CX3CR1: variants seen among roughly 807,000 people sequenced by gnomAD.
CX3CR1 encodes CX3C chemokine receptor 1.
For synonymous variants in CX3CR1, 168 were observed against 178.5 expected (o/e 0.94, Z 0.47); for missense variants, 363 against 432.4 (o/e 0.84, Z 1.42).
At position 39,266,534 on chromosome 3, in the gene CX3CR1, A is replaced by G; in HGVS notation, c.-9-16T>C. ...TGGTGAAGGCCTGGATCAGAAAGAA[A>G]AACAAGTAACTGTGTTAGTTATCAG... On this transcript the variant is annotated splice_polypyrimidine_tract_variant and intron_variant, in intron 1 of 1. Coordinates refer to ENST00000399220, the MANE Select transcript of CX3CR1 (RefSeq NM_001337.4). 1 of 1,612,490 alleles carries G rather than the reference A, an allele frequency of 6.2e-7. No homozygotes were observed. Among genetic ancestry groups the G allele is most frequent in the Non-Finnish European group, 8.5e-7 (1 of 1,178,452 alleles).
chr3:39,279,938 A>G lies in CX3CR1; in HGVS notation c.-10+16T>C. The stretch of plus-strand genomic sequence containing the variant: ...CCACCCCACCCACAGGTACCCAACT[A>G]GTCCTGTGCACCTACCTGGCGTGGA... On this transcript the variant is annotated intron_variant, in intron 1 of 1. Coordinates refer to ENST00000399220, the MANE Select transcript of CX3CR1 (RefSeq NM_001337.4). 5.1e-6 allele frequency: 5 copies of G among 979,100 alleles called. No individual in the cohort carries two copies. Among genetic ancestry groups the G allele is most frequent in the Non-Finnish European group, 3.6e-6 (3 of 824,088 alleles). The allele number at this position is 979,100 out of a possible 1,614,324, so 60.7% of individuals were successfully genotyped here. A position where few individuals can be genotyped will look rare whatever the true frequency, so the allele number is the denominator to read the frequency against.
upstream of CX3CR1, among the ~76,000 whole-genome samples, chr3:39,281,435 G>A (rs570370053): frequency 1.3e-5 from 2 of 151,830 alleles, no homozygotes; most frequent in South Asian, 2.1e-4. Flanking sequence ...CTTGGATCTG[G>A]CCAAGACTCT....
intron 1 of CX3CR1, among the ~76,000 whole-genome samples, chr3:39,271,002 G>A (rs2040768820): frequency 6.6e-6 from 1 of 152,212 alleles, no homozygotes; most frequent in Admixed American, 6.5e-5. Flanking sequence ...GATGCAGTGT[G>A]TGTGCAATAG....
intron 1 of CX3CR1, among the ~76,000 whole-genome samples, chr3:39,276,168 T>G (rs2125555132): frequency 6.6e-6 from 1 of 152,214 alleles, no homozygotes; most frequent in Non-Finnish European, 1.5e-5. Flanking sequence ...AAAGTCAGTT[T>G]AGGCTGAGTG....
At chr3:39,278,595 T>A (rs988177742) in intron 1 of CX3CR1, among the ~76,000 whole-genome samples, 1 of 152,112 alleles carries the variant, frequency 6.6e-6, no homozygotes, top group African/African-American at 2.4e-5. Context: ...TTTGGCTCAA[T>A]TTTTTTCTGC....
At chr3:39,282,485 T>G (rs1176342922), upstream of CX3CR1, among the ~76,000 whole-genome samples, 1 of 152,154 alleles carries the variant, frequency 6.6e-6, no homozygotes, top group African/African-American at 2.4e-5. Context: ...AGAGGACAGT[T>G]TGGTTTCTGC....
rs2040654702 is a variant in CX3CR1 at position 39,263,840 on chromosome 3, G to A, written c.*1602C>T. 6.6e-6 allele frequency: 1 copy of A among 152,244 alleles called. No homozygotes were observed. Among genetic ancestry groups the A allele is most frequent in the Non-Finnish European group, 1.5e-5 (1 of 68,046 alleles). The allele number at this position is 152,244 out of a possible 1,614,324, so 9.4% of individuals were successfully genotyped here. A position where few individuals can be genotyped will look rare whatever the true frequency, so the allele number is the denominator to read the frequency against. On this transcript the variant is annotated 3_prime_UTR_variant, in exon 2 of 2. Transcript: ENST00000399220. Reference sequence around the variant, plus strand: ...ATTGCAACTCTAAACATGTGAGAGTGTGAACAAGGTCTGGACGGGTGAATA... The same window carrying A: ...ATTGCAACTCTAAACATGTGAGAGTATGAACAAGGTCTGGACGGGTGAATA...
intron 1 of CX3CR1, among the ~76,000 whole-genome samples, chr3:39,267,347 C>T (rs2040716710): frequency 6.6e-6 from 1 of 152,184 alleles, no homozygotes; most frequent in African/African-American, 2.4e-5. Flanking sequence ...TGAAGCTAGG[C>T]CTGGAGAGAG....
intron 1 of CX3CR1, among the ~76,000 whole-genome samples, chr3:39,277,661 A>G (rs558662512): frequency 6.6e-6 from 1 of 152,292 alleles, no homozygotes; most frequent in South Asian, 2.1e-4. Context: ...AGGGAGAACC[A>G]TACCTGACAT....
the CX3CR1 span, among the ~76,000 whole-genome samples, chr3:39,291,437 C>T: frequency 8.5e-5 from 13 of 152,168 alleles, no homozygotes; most frequent in Admixed American, 2.0e-4. Flanking sequence ...TGTGACCATA[C>T]GCTCCCTCTT....
the CX3CR1 span, chr3:39,287,363 G>A: frequency 6.6e-6 from 1 of 152,214 alleles, no homozygotes; most frequent in Non-Finnish European, 1.5e-5. Flanking sequence ...AGTTGGTAGA[G>A]CAGGTGGTAG....
chr3:39,269,641 T>C (rs937667016), intron 1 of CX3CR1, among the ~76,000 whole-genome samples: 1 of 152,186 alleles, frequency 6.6e-6, no homozygotes, highest in African/African-American at 2.4e-5. Context: ...GTTATGGGCA[T>C]CCATCTGGCT....
Position 39,265,899 on chromosome 3 carries a change from A to G in CX3CR1, c.611T>C (p.Leu204Pro). The part of the protein sequence containing the change: ...ETNFLGFLLP[L>P]LIMSYCYFRI... ...GAAGTAGCAATAACTCATAATGAGC[A>G]GGGGGAGTAGGAAGCCAAGAAAATT... The change falls in exon 2 of 2, where the codon CTG (leucine) becomes CCG (proline). Residue 204 changes from leucine to proline, a missense_variant. Leu to Pro is a moderately conservative substitution (Grantham distance 98). Transcript: ENST00000399220. The G allele has an allele frequency of 6.2e-7, 1 of 1,614,228 alleles. No homozygotes were observed. Among genetic ancestry groups the G allele is most frequent in the African/African-American group, 1.3e-5 (1 of 75,056 alleles).
upstream of CX3CR1, chr3:39,281,140 T>G (rs2040893305): frequency 1.0e-6 from 1 of 1,003,010 alleles, no homozygotes; most frequent in Non-Finnish European, 1.2e-6. Context: ...AGCTGGGGGC[T>G]GCAGTGCAGT....
chr3:39,287,139 A>G, the CX3CR1 span: 2 of 152,244 alleles, frequency 1.3e-5, no homozygotes, highest in Non-Finnish European at 2.9e-5. Flanking sequence ...GGCTGTGCTA[A>G]GTAAAACAAT....
Position 39,265,253 on chromosome 3 carries a change from CAA to C in CX3CR1, c.*187_*188del. On this transcript the variant is annotated 3_prime_UTR_variant, in exon 2 of 2. Transcript: ENST00000399220. ...AGAGAAATGTCTACTCTTTGTCATTCAAAGAGTTCAATTTGTTCATTCTTCAA... is the reference window on the plus strand; with the variant it reads ...AGAGAAATGTCTACTCTTTGTCATTCAGAGTTCAATTTGTTCATTCTTCAA... The C allele has an allele frequency of 1.7e-6, 1 of 575,768 alleles. No homozygotes were observed. Among genetic ancestry groups the C allele is most frequent in the East Asian group, 2.9e-5 (1 of 34,888 alleles). 35.7% of individuals were successfully genotyped at this position (575,768 alleles called of 1,614,324 possible). A position where few individuals can be genotyped will look rare whatever the true frequency, so the allele number is the denominator to read the frequency against.
upstream of CX3CR1, chr3:39,281,494 A>C (rs1290395759): frequency 3.2e-6 from 3 of 934,334 alleles, no homozygotes; most frequent in Non-Finnish European, 4.9e-6. Flanking sequence ...TCCACCCCAC[A>C]TCAGTAATCC....
intron 1 of CX3CR1, among the ~76,000 whole-genome samples, chr3:39,271,028 C>T (rs1163129245): frequency 6.6e-6 from 1 of 152,034 alleles, no homozygotes; most frequent in Non-Finnish European, 1.5e-5. Context: ...CAGTGAGGGC[C>T]CAGATGTGTT....
chr3:39,281,045 C>T, upstream of CX3CR1: 2 of 987,442 alleles, frequency 2.0e-6, no homozygotes, highest in Non-Finnish European at 2.4e-6. Context: ...TCCCTTACCT[C>T]TAGTCGCTGT....
Sources: gnomAD v4.1 joint callset for allele counts (sites outside exome capture counted in the v4.1 genomes callset) on GRCh38, gnomAD v4.1.1 for gene constraint, MANE v1.5 for transcripts, NCBI Gene and HGNC (gene_info 2026-07-23, HGNC 2026-07-21) for gene names.